Variants in CDK6 observed in about 807,000 individuals in gnomAD.
The protein encoded by CDK6 is cyclin dependent kinase 6.
CDK6 carries 6 observed loss-of-function variants against 37.1 expected under a neutral mutation model. That is an observed-to-expected ratio of 0.16 (90% CI 0.09 to 0.32). The LOEUF is 0.32. Ranked by LOEUF, CDK6 falls within the 10% of genes least tolerant of loss-of-function variation. The pLI is 1.00. For missense variants in CDK6, 224 were observed against 418.9 expected, an observed-to-expected ratio of 0.53 and a Z score of 4.06; for synonymous variants, 160 against 161.3, an observed-to-expected ratio of 0.99 and a Z score of 0.06.
chr7:92,781,573 G>A (rs1650180202), intron 2 of CDK6, among the ~76,000 whole-genome samples: 1 of 152,144 alleles, frequency 6.6e-6, no homozygotes, highest in Non-Finnish European at 1.5e-5. Context: ...GTAAACACAA[G>A]CCCTGCCTTT....
chr7:92,820,302 G>C lies in CDK6; in HGVS notation c.233+12789C>G, dbSNP rs189893297. On this transcript the variant is annotated intron_variant, in intron 2 of 7. Transcript: ENST00000424848. ...AAGAAGGACTCCATCAGCTTCATAG[G>C]GTTATAATGTTGAACCTGGAGAGAA... Among the ~76,000 whole-genome samples the C allele has an allele frequency of 5.9e-5, 9 of 152,160 alleles. No homozygotes were observed. The East Asian group carries it at 1.7e-3, about 29-fold the overall frequency.
intron 5 of CDK6, among the ~76,000 whole-genome samples, chr7:92,653,176 A>G (rs1045750954): frequency 6.6e-6 from 1 of 152,162 alleles, no homozygotes; most frequent in Non-Finnish European, 1.5e-5. Flanking sequence ...CTCCACGTCA[A>G]TCTTTGGAGT....
At chr7:92,730,117 A>G (rs73710466) in intron 3 of CDK6, among the ~76,000 whole-genome samples, 184 of 152,358 alleles carry the variant, frequency 1.2e-3, no homozygotes, top group African/African-American at 4.3e-3. Context: ...GTCATATCAT[A>G]AGTCACAGAA....
chr7:92,741,651 A>G (rs1798928443), intron 3 of CDK6, among the ~76,000 whole-genome samples: 1 of 152,120 alleles, frequency 6.6e-6, no homozygotes, highest in South Asian at 2.1e-4. Context: ...GTTTCTTTTA[A>G]TCAACCCTAC....
intron 3 of CDK6, among the ~76,000 whole-genome samples, chr7:92,763,927 T>C (rs996551810): frequency 4.6e-5 from 7 of 152,178 alleles, no homozygotes; most frequent in Admixed American, 3.3e-4. Context: ...AGGATTGTCA[T>C]TTTAAGTGAG....
Position 92,610,466 on chromosome 7 carries a change from C to G in CDK6, c.*4674G>C, listed in dbSNP as rs1464448495. On this transcript the variant is annotated 3_prime_UTR_variant, in exon 8 of 8. Coordinates refer to ENST00000424848, the MANE Select transcript of CDK6 (RefSeq NM_001145306.2). Reference sequence around the variant, plus strand: ...AAAACGTGTAAAAATTGGACCCCTTCTGTTTTTACATTTCTGTTGCTTACA... The same window carrying G: ...AAAACGTGTAAAAATTGGACCCCTTGTGTTTTTACATTTCTGTTGCTTACA... The G allele has an allele frequency of 4.3e-6, 1 of 230,718 alleles. No homozygotes were observed. Among genetic ancestry groups the G allele is most frequent in the Non-Finnish European group, 8.6e-6 (1 of 116,592 alleles). 14.3% of individuals were successfully genotyped at this position (230,718 alleles called of 1,614,324 possible). A position where few individuals can be genotyped will look rare whatever the true frequency, so the allele number is the denominator to read the frequency against.
At chr7:92,683,178 C>T (rs1797374681) in intron 4 of CDK6, among the ~76,000 whole-genome samples, 1 of 151,540 alleles carries the variant, frequency 6.6e-6, no homozygotes, top group Non-Finnish European at 1.5e-5. Context: ...CTGCAGGGCT[C>T]ATTGTTTCCT....
At chr7:92,622,242 C>T (rs555023295) in intron 6 of CDK6, among the ~76,000 whole-genome samples, 1 of 152,252 alleles carries the variant, frequency 6.6e-6, no homozygotes, top group South Asian at 2.1e-4. Flanking sequence ...TGAATGCATA[C>T]ATGCATGAAC....
chr7:92,696,511 A>G (rs1797722616), intron 4 of CDK6, among the ~76,000 whole-genome samples: 1 of 152,174 alleles, frequency 6.6e-6, no homozygotes, highest in Non-Finnish European at 1.5e-5. Flanking sequence ...AAGTTACTCA[A>G]ATGATGATAT....
chr7:92,830,612 C>T (rs1385861933), intron 2 of CDK6, among the ~76,000 whole-genome samples: 2 of 152,148 alleles, frequency 1.3e-5, no homozygotes, highest in African/African-American at 4.8e-5. Flanking sequence ...CCTGTCTGAG[C>T]AAATATTCGC....
intron 5 of CDK6, among the ~76,000 whole-genome samples, chr7:92,639,579 T>G (rs1796254756): frequency 6.6e-6 from 1 of 152,248 alleles, no homozygotes; most frequent in African/African-American, 2.4e-5. Flanking sequence ...TCACGCCTAA[T>G]GATCACATCA....
At position 92,833,448 on chromosome 7, in the gene CDK6, G is replaced by T; in HGVS notation, c.-125C>A. 1 of 651,392 alleles carries T rather than the reference G, an allele frequency of 1.5e-6. No homozygotes were observed. The allele number at this position is 651,392 out of a possible 1,614,324, so 40.4% of individuals were successfully genotyped here. A position where few individuals can be genotyped will look rare whatever the true frequency, so the allele number is the denominator to read the frequency against. ...ATCGGTCTAGCTTTACTTGCTCCCC[G>T]CCGGCTCAGGCGCTCGGGCGCTGGG... On this transcript the variant is annotated 5_prime_UTR_variant, in exon 2 of 8. Coordinates refer to ENST00000424848, the MANE Select transcript of CDK6 (RefSeq NM_001145306.2). This position sits in a 1 kb window ranked among gnomAD's most constrained non-coding sequence, Gnocchi z 6.1.
At chr7:92,630,040 A>G (rs1371237060) in intron 5 of CDK6, among the ~76,000 whole-genome samples, 1 of 152,140 alleles carries the variant, frequency 6.6e-6, no homozygotes, top group Non-Finnish European at 1.5e-5. Context: ...TCCAAATAGC[A>G]TCACATTGGG....
At chr7:92,733,276 T>C (rs1292162267) in intron 3 of CDK6, among the ~76,000 whole-genome samples, 1 of 152,132 alleles carries the variant, frequency 6.6e-6, no homozygotes, top group Non-Finnish European at 1.5e-5. Context: ...GCCTTTGCCA[T>C]CACTATCATT....
chr7:92,634,293 C>T (rs533264739), intron 5 of CDK6, among the ~76,000 whole-genome samples: 14 of 152,138 alleles, frequency 9.2e-5, no homozygotes, highest in Admixed American at 3.3e-4. Flanking sequence ...TTGCATATGC[C>T]GTTCTGTCCT....
chr7:92,810,131 G>C (rs567684358), intron 2 of CDK6, among the ~76,000 whole-genome samples: 2 of 152,118 alleles, frequency 1.3e-5, no homozygotes, highest in African/African-American at 4.8e-5. Flanking sequence ...ATATATATGC[G>C]TGTGTATGTG....
chr7:92,819,344 T>C (rs530893496), intron 2 of CDK6, among the ~76,000 whole-genome samples: 1 of 152,088 alleles, frequency 6.6e-6, no homozygotes, highest in African/African-American at 2.4e-5. Context: ...AGGACAAATC[T>C]ATAATGACAG....
chr7:92,688,581 T>TCACA (rs35953301), intron 4 of CDK6, among the ~76,000 whole-genome samples: 13,355 of 127,314 alleles, frequency 0.1, 704 homozygotes, highest in East Asian at 0.16. Context: ...TACATATACA[T>TCACA]CACACACACA....
At chr7:92,749,570 A>G (rs545656285) in intron 3 of CDK6, among the ~76,000 whole-genome samples, 4 of 152,306 alleles carry the variant, frequency 2.6e-5, no homozygotes, top group African/African-American at 9.6e-5. Flanking sequence ...CAGGGTATTC[A>G]TATCAAATTC....
Sources: gnomAD v4.1 joint callset for allele counts (sites outside exome capture counted in the v4.1 genomes callset) on GRCh38, gnomAD v4.1.1 for gene constraint, Gnocchi (gnomAD v3.1) non-coding constraint, MANE v1.5 for transcripts, NCBI Gene and HGNC (gene_info 2026-07-23, HGNC 2026-07-21) for gene names.